CLPB: variants seen among roughly 807,000 people sequenced by gnomAD.
The protein encoded by CLPB is mitochondrial disaggregase.
Under a neutral mutation model 78.4 loss-of-function variants are expected in CLPB, and 40 were observed. The observed-to-expected ratio is 0.51, with a 90% CI of 0.40 to 0.66. The LOEUF is 0.66. Among genes scored for constraint, CLPB ranks in the 30% least tolerant of loss-of-function variants. The pLI is 0.00. For missense variants in CLPB, 780 were observed against 886.9 expected (o/e 0.88, Z 1.53); for synonymous variants, 333 against 348.0 (o/e 0.96, Z 0.48).
chr11:72,404,391 A>G (rs1207288620), intron 2 of CLPB, among the ~76,000 whole-genome samples: 1 of 152,264 alleles, frequency 6.6e-6, no homozygotes, highest in East Asian at 1.9e-4. Flanking sequence ...CACGATCTAT[A>G]GTAAATGTCC....
intron 5 of CLPB, among the ~76,000 whole-genome samples, chr11:72,337,904 G>A (rs375663807): frequency 5.3e-5 from 8 of 152,142 alleles, no homozygotes; most frequent in African/African-American, 1.7e-4. Context: ...GGGCTTCCCT[G>A]TCTGGGGGCC....
intron 4 of CLPB, among the ~76,000 whole-genome samples, chr11:72,362,800 G>C (rs977684563): frequency 1.3e-5 from 2 of 152,176 alleles, no homozygotes; most frequent in African/African-American, 2.4e-5. Context: ...TATTTTCTCT[G>C]TGAAAAAAGG....
chr11:72,342,674 C>G (rs1335067689), intron 5 of CLPB, among the ~76,000 whole-genome samples: 1 of 152,078 alleles, frequency 6.6e-6, no homozygotes, highest in Admixed American at 6.6e-5. Context: ...ACTATCAGAG[C>G]CAGGGTCCTC....
At position 72,317,226 on chromosome 11, in the gene CLPB, G is replaced by A. The variant is rs1014486858; in HGVS notation, c.874-6C>T. The A allele has an allele frequency of 6.2e-7, 1 of 1,601,716 alleles. No individual in the cohort carries two copies. The highest frequency in any genetic ancestry group is 1.7e-5 in the Admixed American group (1 of 58,410). ...TTCCGCTGCTTCTCTTGGTACTGTGGGGAGAGAGGGCAAATGGTTGAGGGC... is the reference window on the plus strand; with the variant it reads ...TTCCGCTGCTTCTCTTGGTACTGTGAGGAGAGAGGGCAAATGGTTGAGGGC... On this transcript the variant is annotated splice_polypyrimidine_tract_variant and splice_region_variant and intron_variant, in intron 6 of 15. Coordinates refer to ENST00000538039, the MANE Select transcript of CLPB (RefSeq NM_001258392.3).
chr11:72,349,128 T>C (rs1950567100), intron 5 of CLPB, among the ~76,000 whole-genome samples: 1 of 152,194 alleles, frequency 6.6e-6, no homozygotes, highest in Admixed American at 6.5e-5. Flanking sequence ...AATCACAAAA[T>C]ATTACAGTGA....
chr11:72,398,395 G>A (rs917291910), intron 3 of CLPB, among the ~76,000 whole-genome samples: 23 of 152,124 alleles, frequency 1.5e-4, no homozygotes, highest in African/African-American at 2.9e-4. Flanking sequence ...GCCCGAGAGC[G>A]GATACTCAGC....
At chr11:72,334,624 G>A (rs1366079053) in intron 5 of CLPB, among the ~76,000 whole-genome samples, 1 of 152,246 alleles carries the variant, frequency 6.6e-6, no homozygotes, top group Non-Finnish European at 1.5e-5. Context: ...GCCCTCTCCA[G>A]GGGCATCAGG....
At chr11:72,350,320 A>G (rs1320495767) in intron 5 of CLPB, among the ~76,000 whole-genome samples, 1 of 152,016 alleles carries the variant, frequency 6.6e-6, no homozygotes, top group Non-Finnish European at 1.5e-5. Context: ...TCTCCACAGG[A>G]TTTTCTCAAG....
intron 2 of CLPB, among the ~76,000 whole-genome samples, chr11:72,411,212 T>C (rs576584684): frequency 1.2e-4 from 18 of 152,364 alleles, no homozygotes; most frequent in Non-Finnish European, 2.6e-4. Context: ...CTTACCTACA[T>C]TAACTTCTCA....
chr11:72,366,948 C>T (rs1292513924), intron 4 of CLPB, among the ~76,000 whole-genome samples: 3 of 152,038 alleles, frequency 2.0e-5, no homozygotes, highest in South Asian at 2.1e-4. Context: ...GCACTATTCA[C>T]GATAGCAAAG....
At chr11:72,404,519 T>A (rs892712515) in intron 2 of CLPB, among the ~76,000 whole-genome samples, 1 of 152,318 alleles carries the variant, frequency 6.6e-6, no homozygotes, top group South Asian at 2.1e-4. Context: ...GAAGGCACTG[T>A]CAAAGCCCAA....
intron 5 of CLPB, among the ~76,000 whole-genome samples, chr11:72,330,613 C>G (rs1014508921): frequency 1.3e-4 from 20 of 152,196 alleles, no homozygotes; most frequent in African/African-American, 2.4e-5. Flanking sequence ...GTGTAAGCAC[C>G]TCACTCTCTT....
intron 7 of CLPB, among the ~76,000 whole-genome samples, chr11:72,310,647 C>T (rs1220829424): frequency 2.0e-5 from 3 of 152,124 alleles, no homozygotes; most frequent in Non-Finnish European, 4.4e-5. Context: ...TGAAAGGAGC[C>T]GTGTTCTTCT....
chr11:72,329,164 G>A (rs992708640), intron 6 of CLPB, among the ~76,000 whole-genome samples: 2 of 152,232 alleles, frequency 1.3e-5, no homozygotes, highest in African/African-American at 4.8e-5. Context: ...GTTTTCAGGA[G>A]TTCAAAAGTT....
At position 72,301,904 on chromosome 11, in the gene CLPB, T is replaced by C. The variant is rs1258428897; in HGVS notation, c.1228A>G (p.Thr410Ala). 3 of 1,614,096 alleles carry C rather than the reference T, an allele frequency of 1.9e-6. No homozygotes were observed. The highest frequency in any genetic ancestry group is 2.5e-6 in the Non-Finnish European group (3 of 1,180,052). The change falls in exon 11 of 16, where the codon ACC becomes GCC. Residue 410 changes from threonine (T) to alanine (A), a missense_variant. By Grantham distance (58) the Thr-to-Ala change is moderately conservative (BLOSUM62 0). This residue lies in a region of CLPB where 91 missense variants were observed against 168.2 expected (regional missense o/e 0.54). Transcript: ENST00000538039. Reference protein sequence around the residue: ...YVGHEEGGQLTKKLKQCPNAV... With the variant: ...YVGHEEGGQLAKKLKQCPNAV... ...TTGGGGCACTGCTTCAACTTCTTGG[T>C]CAGCTGGCCACCCTCCTCATGGCCA... is the stretch of plus-strand genomic sequence containing the variant.
intron 8 of CLPB, 35 bp from the exon 9 acceptor site, chr11:72,307,289 A>G: frequency 1.3e-6 from 2 of 1,565,636 alleles, no homozygotes; most frequent in South Asian, 2.2e-5. Flanking sequence ...TTGGGTTAGA[A>G]CCAGGTGACT....
At chr11:72,428,202 G>A (rs1856443019) in intron 2 of CLPB, among the ~76,000 whole-genome samples, 1 of 152,130 alleles carries the variant, frequency 6.6e-6, no homozygotes, top group East Asian at 1.9e-4. Context: ...GTGAGGGGGA[G>A]GGAAGGATGT....
intron 4 of CLPB, among the ~76,000 whole-genome samples, chr11:72,369,685 C>T (rs1951007628): frequency 6.6e-6 from 1 of 152,212 alleles, no homozygotes; most frequent in Non-Finnish European, 1.5e-5. Context: ...AGCATCTCTA[C>T]TAATAAACCT....
chr11:72,431,031 C>T (rs1235164571), intron 1 of CLPB, among the ~76,000 whole-genome samples: 1 of 152,174 alleles, frequency 6.6e-6, no homozygotes, highest in Admixed American at 6.5e-5. Context: ...ACAGTTGAGA[C>T]GTCTGCAAAC....
Sources: allele counts gnomAD v4.1 joint callset (sites outside exome capture counted in the v4.1 genomes callset), GRCh38; gene constraint gnomAD v4.1.1; regional missense constraint gnomAD v4.1.1; transcripts MANE v1.5; gene names NCBI Gene and HGNC (gene_info 2026-07-23, HGNC 2026-07-21).